C2orf80: variants seen among roughly 807,000 people sequenced by gnomAD.
The protein encoded by C2orf80 is uncharacterized protein C2orf80.
In C2orf80, 28 loss-of-function variants were observed where a neutral mutation model predicts 30.2. The observed-to-expected ratio is 0.93, with a 90% CI of 0.69 to 1.27. The LOEUF is 1.27. Ranked by LOEUF, C2orf80 falls within the 50% of genes most tolerant of loss-of-function variation. C2orf80 has a pLI of 0.00. For missense variants in C2orf80, 220 were observed against 231.0 expected, an observed-to-expected ratio of 0.95 and a Z score of 0.31; for synonymous variants, 80 against 76.4, an observed-to-expected ratio of 1.05 and a Z score of -0.24.
intron 5 of C2orf80, among the ~76,000 whole-genome samples, 165 bp from the exon 6 acceptor site, chr2:208,180,981 A>T (rs1333726496): frequency 1.3e-5 from 2 of 152,222 alleles, no homozygotes. Context: ...AGTTTTCCAG[A>T]TACCAATTAG....
chr2:208,188,356 A>C (rs7579275), intron 1 of C2orf80, among the ~76,000 whole-genome samples: 21,665 of 152,104 alleles, frequency 0.14, 1,696 homozygotes, highest in South Asian at 0.21. Flanking sequence ...ACTAAGCTTC[A>C]CTTGATTCAG....
At chr2:208,166,535 T>G (rs1038631452) in intron 8 of C2orf80, among the ~76,000 whole-genome samples, 6 of 152,228 alleles carry the variant, frequency 3.9e-5, no homozygotes, top group Admixed American at 1.3e-4. Context: ...TCTGATGTAT[T>G]GCTTTGGATT....
At position 208,176,954 on chromosome 2, in the gene C2orf80, T is replaced by C. The variant is rs1187342256; in HGVS notation, c.366+3791A>G. ...ATGTATACATATCTGTATACATATCTGTATACATATGTATACATATATACA... is the reference window on the plus strand; with the variant it reads ...ATGTATACATATCTGTATACATATCCGTATACATATGTATACATATATACA... On this transcript the variant is annotated intron_variant, in intron 6 of 8. Transcript: ENST00000341287. Among the ~76,000 whole-genome samples, 109 of 50,472 alleles carry C rather than the reference T, an allele frequency of 2.2e-3. 3 individuals carry two copies. The highest frequency in any genetic ancestry group is 6.7e-3 in the South Asian group (14 of 2,078). The allele number at this position is 50,472 out of a possible 152,430, so 33.1% of individuals were successfully genotyped here.
Position 208,181,321 on chromosome 2 carries a change from A to G in C2orf80, c.207-16T>C. The G allele has an allele frequency of 6.6e-7, 1 of 1,506,374 alleles. No individual in the cohort carries two copies. The highest frequency in any genetic ancestry group is 9.2e-7 in the Non-Finnish European group (1 of 1,082,438). 93.3% of individuals were successfully genotyped at this position (1,506,374 alleles called of 1,614,324 possible). ...TGGTATTTTCCTAATGGGGAATAGGAAATACAAGTGGAAGATTTATTCTTG... is the reference window on the plus strand; with the variant it reads ...TGGTATTTTCCTAATGGGGAATAGGGAATACAAGTGGAAGATTTATTCTTG... On this transcript the variant is annotated splice_polypyrimidine_tract_variant and intron_variant, in intron 4 of 8. Coordinates refer to ENST00000341287, the MANE Select transcript of C2orf80 (RefSeq NM_001099334.3).
chr2:208,186,484 T>C (rs1024645901), intron 2 of C2orf80, among the ~76,000 whole-genome samples: 1 of 152,204 alleles, frequency 6.6e-6, no homozygotes. Flanking sequence ...CTGTGTTCGT[T>C]TTAAAAATGT....
chr2:208,174,070 G>C (rs1006114937), intron 6 of C2orf80, among the ~76,000 whole-genome samples: 1 of 151,864 alleles, frequency 6.6e-6, no homozygotes, highest in Non-Finnish European at 1.5e-5. Flanking sequence ...CTCCCATCTC[G>C]ACCTCCCAAG....
At position 208,176,938 on chromosome 2, in the gene C2orf80, T is replaced by TATGTATACATATGTATACAG. The variant is rs1559340396; in HGVS notation, c.366+3806_366+3807insCTGTATACATATGTATACAT. Among the ~76,000 whole-genome samples the TATGTATACATATGTATACAG allele has an allele frequency of 6.9e-4, 36 of 52,016 alleles. 7 individuals carry two copies. The highest frequency in any genetic ancestry group is 1.5e-3 in the South Asian group (3 of 2,012). The allele number at this position is 52,016 out of a possible 152,430, so 34.1% of individuals were successfully genotyped here. ...ACATATCTGTATACATATGTATACA[T>TATGTATACATATGTATACAG]ATCTGTATACATATCTGTATACATA... On this transcript the variant is annotated intron_variant, in intron 6 of 8. Coordinates refer to ENST00000341287, the MANE Select transcript of C2orf80 (RefSeq NM_001099334.3).
chr2:208,181,965 T>C lies in C2orf80; in HGVS notation c.207-660A>G, dbSNP rs147695289. 1.3e-3 allele frequency among the ~76,000 whole-genome samples: 198 copies of C among 152,330 alleles called. 3 individuals carry two copies. The East Asian group carries it at 0.033, about 26-fold the overall frequency. ...CAGTCCTACCCATGGACTTTTCAGA[T>C]ACAAGGGCAATAAAATCTACTCCCC... On this transcript the variant is annotated intron_variant, in intron 4 of 8. Transcript: ENST00000341287.
chr2:208,165,952 T>G (rs1695874722), intron 8 of C2orf80, 137 bp from the exon 9 acceptor site: 1 of 547,182 alleles, frequency 1.8e-6, no homozygotes, highest in South Asian at 3.1e-5. Flanking sequence ...TTAATGTAAT[T>G]ACAAAGGAAT....
At chr2:208,184,176 GCGCCCCCCTCACCCC>G (rs1029055998) in intron 3 of C2orf80, among the ~76,000 whole-genome samples, 1 of 148,228 alleles carries the variant, frequency 6.7e-6, no homozygotes, top group Non-Finnish European at 1.5e-5. Context: ...GGCCGCGGGG[GCGCCCCCCTCACCCC>G]CGCCCCCCTT....
intron 6 of C2orf80, among the ~76,000 whole-genome samples, chr2:208,177,142 T>A (rs1267269195): frequency 2.0e-5 from 3 of 147,462 alleles, no homozygotes; most frequent in Non-Finnish European, 3.0e-5. Flanking sequence ...TACATACATA[T>A]ATATTATATA....
At chr2:208,169,785 T>C (rs1202511524) in intron 8 of C2orf80, among the ~76,000 whole-genome samples, 1 of 151,766 alleles carries the variant, frequency 6.6e-6, no homozygotes, top group Admixed American at 6.6e-5. Context: ...ATAGCAAATA[T>C]GTTTGAAGGA....
Position 208,169,618 on chromosome 2 carries a change from C to T in C2orf80, c.573+1327G>A, listed in dbSNP as rs1356301392. 2.0e-5 allele frequency among the ~76,000 whole-genome samples: 3 copies of T among 149,318 alleles called. No homozygotes were observed. The East Asian group carries it at 5.9e-4, about 29-fold the overall frequency. On this transcript the variant is annotated intron_variant, in intron 8 of 8. Coordinates refer to ENST00000341287, the MANE Select transcript of C2orf80 (RefSeq NM_001099334.3). ...ATCCCAGCTACTCGGGAGGCTGAGGCAGGAGAATCGCTTGAACTCGGGAAG... is the reference window on the plus strand; with the variant it reads ...ATCCCAGCTACTCGGGAGGCTGAGGTAGGAGAATCGCTTGAACTCGGGAAG...
chr2:208,170,581 A>G (rs900676093), intron 8 of C2orf80, among the ~76,000 whole-genome samples: 2 of 152,232 alleles, frequency 1.3e-5, no homozygotes, highest in African/African-American at 4.8e-5. Flanking sequence ...GCATCAACAG[A>G]GTAACAGCCA....
At position 208,181,219 on chromosome 2, in the gene C2orf80, A is replaced by G. The variant is rs754825416; in HGVS notation, c.293T>C (p.Met98Thr). 4 of 1,587,260 alleles carry G rather than the reference A, an allele frequency of 2.5e-6. No homozygotes were observed. Among genetic ancestry groups the G allele is most frequent in the Non-Finnish European group, 3.5e-6 (4 of 1,155,870 alleles). ...MILSSYAGIL[M>T]NSIPIEEVFK... Reference sequence around the variant, plus strand: ...GGCAGATAGTATTCTTTTCCTTACCATTAAGATTCCAGCATAAGATGATAA... The same window carrying G: ...GGCAGATAGTATTCTTTTCCTTACCGTTAAGATTCCAGCATAAGATGATAA... Residue 98 changes from methionine to threonine, a missense_variant and splice_region_variant, in exon 5 of 9, where the codon ATG (methionine) becomes ACG (threonine). By Grantham distance (81) the Met-to-Thr change is moderately conservative. Transcript: ENST00000341287.
intron 6 of C2orf80, among the ~76,000 whole-genome samples, chr2:208,175,386 T>A (rs761461378): frequency 4.6e-5 from 7 of 152,174 alleles, no homozygotes; most frequent in Admixed American, 1.3e-4. Context: ...ATTTTTTCTA[T>A]GAGTCCAGAA....
At chr2:208,186,482 G>A (rs1013221030) in intron 2 of C2orf80, among the ~76,000 whole-genome samples, 3 of 152,164 alleles carry the variant, frequency 2.0e-5, no homozygotes, top group African/African-American at 4.8e-5. Context: ...TTCTGTGTTC[G>A]TTTTAAAAAT....
intron 3 of C2orf80, among the ~76,000 whole-genome samples, chr2:208,183,423 T>G (rs1285939820): frequency 6.6e-6 from 1 of 152,124 alleles, no homozygotes; most frequent in Non-Finnish European, 1.5e-5. Flanking sequence ...CTTAGGTGAG[T>G]AACTGATGCT....
At chr2:208,186,532 A>G (rs1418741454) in intron 2 of C2orf80, among the ~76,000 whole-genome samples, 1 of 152,202 alleles carries the variant, frequency 6.6e-6, no homozygotes, top group Non-Finnish European at 1.5e-5. Context: ...TTCTTAGTTG[A>G]TAAGGCTGAC....
Sources: allele counts gnomAD v4.1 joint callset (sites outside exome capture counted in the v4.1 genomes callset), GRCh38; gene constraint gnomAD v4.1.1; transcripts MANE v1.5; gene names NCBI Gene and HGNC (gene_info 2026-07-23, HGNC 2026-07-21).